UGT1A8: variants seen among roughly 807,000 people sequenced by gnomAD.
UGT1A8 encodes the protein UDP glucuronosyltransferase family 1 member A8.
UGT1A8 carries 39 observed loss-of-function variants against 45.3 expected under a neutral mutation model. The ratio of observed to expected loss-of-function variants is 0.86; its 90% CI spans 0.67 to 1.12. UGT1A8 has a LOEUF of 1.12. Among genes scored for constraint, UGT1A8 ranks in the 50% most tolerant of loss-of-function variants. UGT1A8 has a pLI of 0.00. For synonymous variants in UGT1A8, 275 were observed against 249.2 expected, an observed-to-expected ratio of 1.10 and a Z score of -0.97; for missense variants, 719 against 664.9, an observed-to-expected ratio of 1.08 and a Z score of -0.90.
intron 1 of UGT1A8, among the ~76,000 whole-genome samples, chr2:233,626,191 C>T (rs1249853180): frequency 1.3e-5 from 2 of 152,112 alleles, no homozygotes; most frequent in East Asian, 3.9e-4. Context: ...CAGTACTAAT[C>T]CTTCTTCCCC....
chr2:233,702,766 T>C (rs898157603), intron 1 of UGT1A8, among the ~76,000 whole-genome samples: 6 of 152,248 alleles, frequency 3.9e-5, no homozygotes, highest in East Asian at 1.9e-4. Context: ...TATGTGTTAA[T>C]TGATTTGCAG....
intron 1 of UGT1A8, chr2:233,739,155 A>C (rs182453819): frequency 1.1e-4 from 17 of 152,364 alleles, no homozygotes; most frequent in Admixed American, 3.9e-4. Flanking sequence ...CCTCCACATA[A>C]ATTTTAGAGG....
chr2:233,771,766 C>T (rs1025155606), intron 4 of UGT1A8, among the ~76,000 whole-genome samples: 1 of 151,968 alleles, frequency 6.6e-6, no homozygotes, highest in African/African-American at 2.4e-5. Context: ...CTTCCTCCGT[C>T]CCTCTCTCCT....
intron 1 of UGT1A8, among the ~76,000 whole-genome samples, chr2:233,762,377 A>T (rs182919265): frequency 5.6e-4 from 86 of 152,370 alleles, no homozygotes; most frequent in African/African-American, 2.0e-3. Context: ...ACCAATATGT[A>T]TATAGAAACA....
chr2:233,726,165 C>CA (rs1281871437), intron 1 of UGT1A8, among the ~76,000 whole-genome samples: 1 of 151,994 alleles, frequency 6.6e-6, no homozygotes, highest in Non-Finnish European at 1.5e-5. Context: ...GGCCCCATTT[C>CA]AAAAAAATAA....
intron 1 of UGT1A8, among the ~76,000 whole-genome samples, chr2:233,655,037 C>G (rs769656199): frequency 1.3e-4 from 20 of 151,428 alleles, no homozygotes; most frequent in Non-Finnish European, 2.4e-4. Flanking sequence ...TGCAGTGAGC[C>G]GAGATCATAC....
chr2:233,636,623 A>T, intron 1 of UGT1A8: 1 of 1,614,010 alleles, frequency 6.2e-7, no homozygotes, highest in Non-Finnish European at 8.5e-7. Flanking sequence ...GTGCCCATGG[A>T]TGGGAGTCAC....
chr2:233,627,642 TTCCTTC>T (rs1431940545), intron 1 of UGT1A8, among the ~76,000 whole-genome samples: 4 of 145,502 alleles, frequency 2.7e-5, no homozygotes. Flanking sequence ...CCTTCCTTCC[TTCCTTC>T]CTTCCTTCCT....
chr2:233,699,520 G>A (rs998793115), intron 1 of UGT1A8, among the ~76,000 whole-genome samples: 3 of 152,142 alleles, frequency 2.0e-5, no homozygotes, highest in Non-Finnish European at 2.9e-5. Flanking sequence ...CAAGCCTTCC[G>A]AAGGACAGGG....
intron 1 of UGT1A8, among the ~76,000 whole-genome samples, chr2:233,619,485 T>G (rs1381634821): frequency 6.6e-6 from 1 of 152,180 alleles, no homozygotes. Context: ...GTTAGAGGGT[T>G]TTCCTGAATT....
At position 233,647,806 on chromosome 2, in the gene UGT1A8, A is replaced by G. The variant is rs6755418; in HGVS notation, c.855+29244A>G. 6.1e-3 allele frequency: 4,692 copies of G among 764,334 alleles called. 168 individuals are homozygous for G. The African/African-American group carries it at 0.073, about 12-fold the overall frequency. 47.3% of individuals were successfully genotyped at this position (764,334 alleles called of 1,614,324 possible). ...AATCAGTCTGGGTAGAGATTTATCA[A>G]GTTAATTGATTTGCCCCAAAAGCTA... is the stretch of plus-strand genomic sequence containing the variant. On this transcript the variant is annotated intron_variant, in intron 1 of 4. Coordinates refer to ENST00000373450, the MANE Select transcript of UGT1A8 (RefSeq NM_019076.5).
chr2:233,734,726 T>C (rs1273359481), intron 1 of UGT1A8, among the ~76,000 whole-genome samples: 1 of 150,790 alleles, frequency 6.6e-6, no homozygotes, highest in African/African-American at 2.4e-5. Flanking sequence ...TTTGTTCTCG[T>C]CGGTTTCAAA....
At chr2:233,673,722 A>G (rs1250797749) in intron 1 of UGT1A8, among the ~76,000 whole-genome samples, 2 of 151,992 alleles carry the variant, frequency 1.3e-5, no homozygotes, top group Admixed American at 6.6e-5. Context: ...GTACAGGACA[A>G]TTTTTCCATT....
At chr2:233,693,979 G>C (rs888825187) in intron 1 of UGT1A8, 14 of 1,559,440 alleles carry the variant, frequency 9.0e-6, no homozygotes, top group Non-Finnish European at 1.2e-5. Flanking sequence ...AGAAACGGTG[G>C]GGGGAAGTGA....
Position 233,682,697 on chromosome 2 carries a change from C to T in UGT1A8, c.855+64135C>T, listed in dbSNP as rs201879946. The T allele has an allele frequency of 6.1e-5, 99 of 1,613,832 alleles. No individual in the cohort carries two copies. The highest frequency in any genetic ancestry group is 1.7e-4 in the Middle Eastern group (1 of 6,054). On this transcript the variant is annotated intron_variant, in intron 1 of 4. Coordinates refer to ENST00000373450, the MANE Select transcript of UGT1A8 (RefSeq NM_019076.5). ...CAGCCACACATCAATTTGGTTGTTG[C>T]GAACTGACTTTGTTTTGGAGTATCC...
At chr2:233,629,755 G>C (rs1355142457) in intron 1 of UGT1A8, among the ~76,000 whole-genome samples, 2 of 152,084 alleles carry the variant, frequency 1.3e-5, no homozygotes, top group Non-Finnish European at 2.9e-5. Context: ...GCTTCACTTT[G>C]TTTTGTGTGG....
intron 1 of UGT1A8, among the ~76,000 whole-genome samples, chr2:233,621,300 A>G (rs1282357633): frequency 6.6e-6 from 1 of 152,234 alleles, no homozygotes; most frequent in Non-Finnish European, 1.5e-5. Context: ...TGAGAAAAAG[A>G]GGAAGTCACT....
chr2:233,654,918 C>T (rs1173027854), intron 1 of UGT1A8, among the ~76,000 whole-genome samples: 1 of 152,094 alleles, frequency 6.6e-6, no homozygotes, highest in Non-Finnish European at 1.5e-5. Context: ...ATGGCAAAAC[C>T]CCGTCTCTAC....
At chr2:233,730,677 T>C (rs1282265511) in intron 1 of UGT1A8, among the ~76,000 whole-genome samples, 2 of 152,094 alleles carry the variant, frequency 1.3e-5, no homozygotes, top group Non-Finnish European at 2.9e-5. Flanking sequence ...AAAGTAATGG[T>C]TGCATCTCAA....
Sources: gnomAD v4.1 joint callset for allele counts (sites outside exome capture counted in the v4.1 genomes callset) on GRCh38, gnomAD v4.1.1 for gene constraint, MANE v1.5 for transcripts, NCBI Gene and HGNC (gene_info 2026-07-23, HGNC 2026-07-21) for gene names.